Variants in KASH5 observed in about 807,000 individuals in gnomAD.
The protein encoded by KASH5 is protein KASH5.
In KASH5, 72 loss-of-function variants were observed where a neutral mutation model predicts 84.2. That is an observed-to-expected ratio of 0.85 (90% CI 0.71 to 1.04). The LOEUF (loss-of-function observed/expected upper bound fraction) is 1.04. Ranked by LOEUF, KASH5 falls within the 50% of genes least tolerant of loss-of-function variation. KASH5 has a pLI of 0.00. For missense variants in KASH5, 650 were observed against 701.0 expected, an observed-to-expected ratio of 0.93 and a Z score of 0.82; for synonymous variants, 260 against 279.1, an observed-to-expected ratio of 0.93 and a Z score of 0.68.
At chr19:49,413,112 GA>G in intron 16 of KASH5, 86 bp downstream of exon 16, 1 of 1,333,700 alleles carries the variant, frequency 7.5e-7, no homozygotes, top group Non-Finnish European at 1.1e-6. Flanking sequence ...GCCCTGAGGG[GA>G]TCGGCATTCA....
intron 5 of KASH5, among the ~76,000 whole-genome samples, chr19:49,397,284 G>A (rs530601146): frequency 6.6e-6 from 1 of 152,106 alleles, no homozygotes; most frequent in African/African-American, 2.4e-5. Flanking sequence ...GTGGAGCAGA[G>A]AGTCAGGGGC....
chr19:49,393,694 TG>T (rs1469877114), intron 2 of KASH5: 1 of 153,086 alleles, frequency 6.5e-6, no homozygotes, highest in African/African-American at 2.4e-5. Flanking sequence ...TGTGTGTGTG[TG>T]TGTGTGTGTG....
rs1974833884 is a variant in KASH5 at position 49,414,659 on chromosome 19, T to A, written c.1329-292T>A. 6.6e-6 allele frequency among the ~76,000 whole-genome samples: 1 copy of A among 151,584 alleles called. No individual in the cohort carries two copies. On this transcript the variant is annotated intron_variant, in intron 16 of 19. Coordinates refer to ENST00000447857, the MANE Select transcript of KASH5 (RefSeq NM_144688.5). This position sits in a 1 kb window ranked among gnomAD's most constrained non-coding sequence, Gnocchi z 4.5. ...ATTTGGTGAAAATTCCTGTGAAAAA[T>A]ACATATGCAGGACACCCCCCAGGCC...
chr19:49,415,157 A>G (rs1974861473), intron 17 of KASH5, 161 bp downstream of exon 17: 1 of 738,538 alleles, frequency 1.4e-6, no homozygotes, highest in Non-Finnish European at 2.3e-6. Flanking sequence ...TGCTGTAGCT[A>G]ATGAGAGCGA....
Position 49,399,058 on chromosome 19 carries a change from G to T in KASH5, c.663G>T (p.Met221Ile), listed in dbSNP as rs1300479714. 6.4e-7 allele frequency: 1 copy of T among 1,551,722 alleles called. No homozygotes were observed. ...TQQALQFAKA[M>I]DEELEDLKTL... ...AGGCCCTGCAGTTTGCCAAGGCCAT[G>T]GATGAGGAGCTGGAGGACCTGAAGA... The change falls in exon 8 of 20, where the codon ATG becomes ATT. Residue 221 changes from methionine to isoleucine, a missense_variant. Transcript: ENST00000447857. The surrounding 1 kb of genome is among the most constrained non-coding windows in gnomAD (Gnocchi z 4.4).
At chr19:49,398,920 C>A (rs1407112980) in intron 7 of KASH5, 105 bp from the exon 8 acceptor site, 1 of 846,872 alleles carries the variant, frequency 1.2e-6, no homozygotes, top group South Asian at 1.6e-5. Flanking sequence ...CCCTGCCTAC[C>A]ACCTGGGATC....
At position 49,412,836 on chromosome 19, in the gene KASH5, A is replaced by G; in HGVS notation, c.1270-132A>G. 1 of 763,034 alleles carries G rather than the reference A, an allele frequency of 1.3e-6. No homozygotes were observed. The highest frequency in any genetic ancestry group is 2.2e-6 in the Non-Finnish European group (1 of 457,350). 47.3% of individuals were successfully genotyped at this position (763,034 alleles called of 1,614,324 possible). A position where few individuals can be genotyped will look rare whatever the true frequency, so the allele number is the denominator to read the frequency against. ...GCAGGTTGTAGAAGGTGGTGAATTCATGTGTAGGTTGCAGCCTGGAAGACC... is the reference window on the plus strand; with the variant it reads ...GCAGGTTGTAGAAGGTGGTGAATTCGTGTGTAGGTTGCAGCCTGGAAGACC... On this transcript the variant is annotated intron_variant, in intron 15 of 19. Coordinates refer to ENST00000447857, the MANE Select transcript of KASH5 (RefSeq NM_144688.5). This position sits in a 1 kb window ranked among gnomAD's most constrained non-coding sequence, Gnocchi z 4.6.
intron 16 of KASH5, among the ~76,000 whole-genome samples, 182 bp downstream of exon 16, chr19:49,413,208 TAGG>T (rs940935161): frequency 4.6e-5 from 7 of 152,294 alleles, no homozygotes; most frequent in East Asian, 1.9e-4. Context: ...CCCTCAGGTC[TAGG>T]AGGAGATCTG....
intron 9 of KASH5, among the ~76,000 whole-genome samples, chr19:49,402,945 AAGAAGGT>A: frequency 6.6e-6 from 1 of 151,856 alleles, no homozygotes; most frequent in Middle Eastern, 3.2e-3. Flanking sequence ...GGTCTCTGGG[AAGAAGGT>A]GGTCTCTGGG....
intron 9 of KASH5, among the ~76,000 whole-genome samples, chr19:49,404,332 G>C (rs1974458557): frequency 6.6e-6 from 1 of 152,192 alleles, no homozygotes; most frequent in African/African-American, 2.4e-5. Context: ...TTGAAACCCT[G>C]TGCAACTTGA....
chr19:49,407,032 A>G lies in KASH5; in HGVS notation c.876+69A>G, dbSNP rs1974548955. The G allele has an allele frequency of 4.7e-5, 69 of 1,457,494 alleles. 2 individuals carry two copies. The South Asian group carries it at 7.8e-4, about 16-fold the overall frequency. The allele number at this position is 1,457,494 out of a possible 1,614,324, so 90.3% of individuals were successfully genotyped here. A position where few individuals can be genotyped will look rare whatever the true frequency, so the allele number is the denominator to read the frequency against. On this transcript the variant is annotated intron_variant, in intron 10 of 19. Coordinates refer to ENST00000447857, the MANE Select transcript of KASH5 (RefSeq NM_144688.5). ...GGCCATTTTTCCCATTTCCGGTTTTAGTGACTGCAGCCTGATAAGGGCAGG... is the reference window on the plus strand; with the variant it reads ...GGCCATTTTTCCCATTTCCGGTTTTGGTGACTGCAGCCTGATAAGGGCAGG...
intron 2 of KASH5, among the ~76,000 whole-genome samples, chr19:49,392,932 G>A (rs572515326): frequency 1.2e-4 from 18 of 151,230 alleles, no homozygotes; most frequent in African/African-American, 4.4e-4. Context: ...AAAACAGTGA[G>A]AGGAGGAAAA....
intron 5 of KASH5, 81 bp from the exon 6 acceptor site, chr19:49,397,570 G>C (rs553673485): frequency 4.5e-5 from 57 of 1,269,838 alleles, no homozygotes; most frequent in Non-Finnish European, 6.0e-5. Context: ...GAGGCAGATG[G>C]AGTCCAACCT....
intron 3 of KASH5, 84 bp downstream of exon 3, chr19:49,394,664 C>G (rs1215476168): frequency 9.5e-7 from 1 of 1,054,218 alleles, no homozygotes. Context: ...AGAGAGAAGA[C>G]TGGGCTAAGG....
At chr19:49,408,572 C>T (rs1199701584) in intron 12 of KASH5, among the ~76,000 whole-genome samples, 1 of 152,088 alleles carries the variant, frequency 6.6e-6, no homozygotes, top group Non-Finnish European at 1.5e-5. Context: ...CCTCAGCCTC[C>T]CAAGTAGCTG....
intron 12 of KASH5, 73 bp downstream of exon 12, chr19:49,407,744 T>C: frequency 2.7e-6 from 4 of 1,463,618 alleles, no homozygotes; most frequent in Admixed American, 3.9e-5. Flanking sequence ...ACTTGCTGCC[T>C]CTCCTCCTCG....
At chr19:49,411,967 G>GCCAGCCA (rs1974732636) in intron 15 of KASH5, among the ~76,000 whole-genome samples, 1 of 124,684 alleles carries the variant, frequency 8.0e-6, no homozygotes, top group Admixed American at 8.2e-5. Flanking sequence ...AAGGAAGGAA[G>GCCAGCCA]GAAGGAAAGA....
rs977035389 is a variant in KASH5 at position 49,414,073 on chromosome 19, G to C, written c.1329-878G>C. On this transcript the variant is annotated intron_variant, in intron 16 of 19. Transcript: ENST00000447857. The surrounding 1 kb of genome is among the most constrained non-coding windows in gnomAD (Gnocchi z 4.5). ...ATTCAGGCTGGGCAGCTTGAGGCCTGAGTCCCCAAAGCAGCATTTCAGGGA... is the reference window on the plus strand; with the variant it reads ...ATTCAGGCTGGGCAGCTTGAGGCCTCAGTCCCCAAAGCAGCATTTCAGGGA... Among the ~76,000 whole-genome samples, 1 of 152,014 alleles carries C rather than the reference G, an allele frequency of 6.6e-6. No individual in the cohort carries two copies. Among genetic ancestry groups the C allele is most frequent in the African/African-American group, 2.4e-5 (1 of 41,370 alleles).
chr19:49,414,716 TCCGTGCTGCCTGGCCTCCC>T lies in KASH5; in HGVS notation c.1329-232_1329-214del. Among the ~76,000 whole-genome samples the T allele has an allele frequency of 6.9e-6, 1 of 144,622 alleles. No individual in the cohort carries two copies. The highest frequency in any genetic ancestry group is 1.5e-5 in the Non-Finnish European group (1 of 65,946). The allele number at this position is 144,622 out of a possible 152,430, so 94.9% of individuals were successfully genotyped here. ...TGCTGCCTGGCCTCCCCCAGGCCCGTCCGTGCTGCCTGGCCTCCCCCAGGCCCGTCCGTGCTGCCTGGCC... is the reference window on the plus strand; with the variant it reads ...TGCTGCCTGGCCTCCCCCAGGCCCGTCCAGGCCCGTCCGTGCTGCCTGGCC... On this transcript the variant is annotated intron_variant, in intron 16 of 19. Transcript: ENST00000447857. This position sits in a 1 kb window ranked among gnomAD's most constrained non-coding sequence, Gnocchi z 4.5.
Sources: gnomAD v4.1 joint callset for allele counts (sites outside exome capture counted in the v4.1 genomes callset) on GRCh38, gnomAD v4.1.1 for gene constraint, Gnocchi (gnomAD v3.1) non-coding constraint, MANE v1.5 for transcripts, NCBI Gene and HGNC (gene_info 2026-07-23, HGNC 2026-07-21) for gene names.